The following TAFA1 variants were observed in gnomAD, a reference collection of about 807,000 sequenced individuals.
The protein encoded by TAFA1 is chemokine-like protein TAFA-1.
Under a neutral mutation model 18.5 loss-of-function variants are expected in TAFA1, and 4 were observed. The observed-to-expected ratio is 0.22, with a 90% confidence interval of 0.11 to 0.49. TAFA1 has a LOEUF of 0.49. Among genes scored for constraint, TAFA1 ranks in the 20% least tolerant of loss-of-function variants. TAFA1 has a pLI of 0.98. For synonymous variants in TAFA1, 56 were observed against 55.2 expected, an observed-to-expected ratio of 1.01 and a Z score of -0.06; for missense variants, 147 against 169.0, an observed-to-expected ratio of 0.87 and a Z score of 0.72.
chr3:68,091,057 A>G lies in TAFA1; in HGVS notation c.118+84313A>G, dbSNP rs146047194. On this transcript the variant is annotated intron_variant, in intron 2 of 4. Transcript: ENST00000478136. ...AATCTGCTTCAGAATAGCTTTCTTG[A>G]TGAGGAACACTTTTTCGTTGTCTAA... Among the ~76,000 whole-genome samples, 523 of 152,314 alleles carry G rather than the reference A, an allele frequency of 3.4e-3. 1 individual carries two copies. The highest frequency in any genetic ancestry group is 4.2e-3 in the Non-Finnish European group (289 of 68,022).
chr3:68,363,520 T>C (rs1423615501), intron 2 of TAFA1, among the ~76,000 whole-genome samples: 2 of 152,188 alleles, frequency 1.3e-5, no homozygotes, highest in Non-Finnish European at 2.9e-5. Context: ...AAAATGGGAA[T>C]TCAAAGTCCG....
At chr3:68,156,315 G>A (rs951575273) in intron 2 of TAFA1, among the ~76,000 whole-genome samples, 2 of 152,184 alleles carry the variant, frequency 1.3e-5, no homozygotes, top group Admixed American at 1.3e-4. Context: ...AAGGAATGAG[G>A]ATCCAAAAGC....
chr3:68,364,611 G>A (rs2069531370), intron 2 of TAFA1, among the ~76,000 whole-genome samples: 1 of 152,132 alleles, frequency 6.6e-6, no homozygotes, highest in Non-Finnish European at 1.5e-5. Context: ...GTATAAACAT[G>A]AAAGTTTCTA....
At chr3:68,464,573 A>T (rs1382617275) in intron 3 of TAFA1, among the ~76,000 whole-genome samples, 1 of 152,108 alleles carries the variant, frequency 6.6e-6, no homozygotes, top group East Asian at 1.9e-4. Context: ...GTGGCATGAG[A>T]TGTAGAACTG....
intron 2 of TAFA1, among the ~76,000 whole-genome samples, chr3:68,224,768 T>C (rs2107101475): frequency 6.6e-6 from 1 of 152,238 alleles, no homozygotes; most frequent in African/African-American, 2.4e-5. Context: ...TTAGCTCATA[T>C]AAATAGTCAA....
At chr3:68,287,714 G>A (rs887819781) in intron 2 of TAFA1, among the ~76,000 whole-genome samples, 13 of 152,138 alleles carry the variant, frequency 8.5e-5, no homozygotes, top group Admixed American at 7.9e-4. Flanking sequence ...AACAGTGGAT[G>A]TTTCCTGGCT....
At chr3:68,224,740 A>T (rs150139913) in intron 2 of TAFA1, among the ~76,000 whole-genome samples, 87 of 152,052 alleles carry the variant, frequency 5.7e-4, no homozygotes, top group Middle Eastern at 3.4e-3. Flanking sequence ...ATTACACCAA[A>T]CAACTTCTAA....
intron 2 of TAFA1, among the ~76,000 whole-genome samples, chr3:68,031,818 T>C (rs569253854): frequency 5.3e-5 from 8 of 152,184 alleles, no homozygotes; most frequent in Admixed American, 5.2e-4. Flanking sequence ...TCTTCTATTA[T>C]TTTTTCCGTG....
intron 3 of TAFA1, among the ~76,000 whole-genome samples, chr3:68,425,245 G>A (rs1259845254): frequency 2.0e-5 from 3 of 151,912 alleles, no homozygotes; most frequent in African/African-American, 4.8e-5. Flanking sequence ...ATCCACACAC[G>A]ATGAAATACT....
rs1473163292 is a variant in TAFA1, at chr3:68,145,385, A to G, written c.118+138641A>G. ...CCTGGTCTCTCAAGCATATACTTCAATCATCACTGATGATTTTGCAGCCTT... is the reference window on the plus strand; with the variant it reads ...CCTGGTCTCTCAAGCATATACTTCAGTCATCACTGATGATTTTGCAGCCTT... On this transcript the variant is annotated intron_variant, in intron 2 of 4. Coordinates refer to ENST00000478136, the MANE Select transcript of TAFA1 (RefSeq NM_213609.4). 4.8e-6 allele frequency: 4 copies of G among 833,664 alleles called. No individual in the cohort carries two copies. In the Admixed American group the frequency reaches 6.8e-5, roughly 14 times the overall value. The allele number at this position is 833,664 out of a possible 1,614,324, so 51.6% of individuals were successfully genotyped here.
Position 68,439,198 on chromosome 3 carries a change from T to G in TAFA1, c.259+21778T>G, listed in dbSNP as rs934213932. 3.9e-5 allele frequency among the ~76,000 whole-genome samples: 6 copies of G among 151,972 alleles called. No homozygotes were observed. The East Asian group carries it at 1.2e-3, about 29-fold the overall frequency. ...AGAGTTTTCCAAATCTTTCTACTCT[T>G]CTTTCTTTTTATTTATAAATTCTGT... On this transcript the variant is annotated intron_variant, in intron 3 of 4. Transcript: ENST00000478136.
chr3:68,215,466 A>G (rs2066646319), intron 2 of TAFA1, among the ~76,000 whole-genome samples: 1 of 152,082 alleles, frequency 6.6e-6, no homozygotes, highest in Non-Finnish European at 1.5e-5. Flanking sequence ...CTTTAGATAC[A>G]ACACCTAAAG....
At chr3:68,018,200 T>C (rs1704607502) in intron 2 of TAFA1, among the ~76,000 whole-genome samples, 1 of 152,312 alleles carries the variant, frequency 6.6e-6, no homozygotes, top group East Asian at 1.9e-4. Context: ...TGATCACAGA[T>C]GGAGATGGAT....
Position 68,479,229 on chromosome 3 carries a change from CAA to C in TAFA1, c.260-59515_260-59514del, listed in dbSNP as rs764971674. 5.1e-5 allele frequency among the ~76,000 whole-genome samples: 5 copies of C among 97,516 alleles called. No individual in the cohort carries two copies. In the South Asian group the frequency reaches 1.3e-3, roughly 25 times the overall value. The allele number at this position is 97,516 out of a possible 152,430, so 64.0% of individuals were successfully genotyped here. ...CTGGTGACAAAGTGAGACTCCATCT[CAA>C]AAAAAAAAAAATATATATATATATA... is the stretch of plus-strand genomic sequence containing the variant. On this transcript the variant is annotated intron_variant, in intron 3 of 4. Coordinates refer to ENST00000478136, the MANE Select transcript of TAFA1 (RefSeq NM_213609.4).
At chr3:68,295,537 AC>A (rs2068192249) in intron 2 of TAFA1, among the ~76,000 whole-genome samples, 1 of 152,132 alleles carries the variant, frequency 6.6e-6, no homozygotes, top group African/African-American at 2.4e-5. Context: ...AAGCCTATTT[AC>A]CCTCACAGAG....
chr3:68,068,305 A>G (rs1044318453), intron 2 of TAFA1, among the ~76,000 whole-genome samples: 1 of 152,240 alleles, frequency 6.6e-6, no homozygotes, highest in Non-Finnish European at 1.5e-5. Flanking sequence ...CATTTTGTCT[A>G]TCAAGGACTT....
rs138338267 is a variant in TAFA1, at chr3:68,470,359, G to T, written c.259+52939G>T. ...ACTGGTACTGGTAGAGTGGGGTGCT[G>T]CTCTAAAGATACCCCAAAATGTGGA... On this transcript the variant is annotated intron_variant, in intron 3 of 4. Transcript: ENST00000478136. 4.6e-4 allele frequency among the ~76,000 whole-genome samples: 70 copies of T among 152,286 alleles called. No homozygotes were observed. In the East Asian group the frequency reaches 0.012, roughly 27 times the overall value.
intron 3 of TAFA1, among the ~76,000 whole-genome samples, chr3:68,462,503 G>C (rs572763513): frequency 6.6e-6 from 1 of 152,128 alleles, no homozygotes; most frequent in African/African-American, 2.4e-5. Context: ...GGAACTGTGA[G>C]TCAATTAAAC....
At chr3:68,250,284 T>C (rs2067167598) in intron 2 of TAFA1, among the ~76,000 whole-genome samples, 1 of 152,236 alleles carries the variant, frequency 6.6e-6, no homozygotes, top group African/African-American at 2.4e-5. Context: ...TATTACTGTT[T>C]ACGCATTTGG....
Sources: allele counts gnomAD v4.1 joint callset (sites outside exome capture counted in the v4.1 genomes callset), GRCh38; gene constraint gnomAD v4.1.1; transcripts MANE v1.5; gene names NCBI Gene and HGNC (gene_info 2026-07-23, HGNC 2026-07-21).